Variants in SLC39A10 observed in about 807,000 individuals in gnomAD.
SLC39A10 encodes solute carrier family 39 member 10, also known as zinc transporter ZIP10.
Under a neutral mutation model 65.1 loss-of-function variants are expected in SLC39A10, and 13 were observed. The observed-to-expected ratio is 0.20, with a 90% confidence interval of 0.13 to 0.32. SLC39A10 has a LOEUF of 0.32. Ranked by LOEUF, SLC39A10 falls within the 10% of genes least tolerant of loss-of-function variation. The pLI is 1.00. For synonymous variants in SLC39A10, 321 were observed against 342.2 expected, an observed-to-expected ratio of 0.94 and a Z score of 0.68; for missense variants, 831 against 1,018.4, an observed-to-expected ratio of 0.82 and a Z score of 2.50.
intron 3 of SLC39A10, among the ~76,000 whole-genome samples, chr2:195,701,291 A>G (rs1574288518): frequency 7.8e-6 from 1 of 128,914 alleles, no homozygotes; most frequent in African/African-American, 2.9e-5. Flanking sequence ...TAGTTTTTCT[A>G]CCCCTTTATT....
intron 9 of SLC39A10, among the ~76,000 whole-genome samples, chr2:195,732,094 G>A (rs1199745604): frequency 1.3e-5 from 2 of 152,180 alleles, no homozygotes; most frequent in Admixed American, 6.5e-5. Context: ...AGGAAAAAAT[G>A]GATCCATATT....
chr2:195,683,176 A>G (rs979925808), intron 2 of SLC39A10, among the ~76,000 whole-genome samples: 4 of 140,770 alleles, frequency 2.8e-5, no homozygotes, highest in Admixed American at 1.4e-4. Flanking sequence ...GTTTGTTTTT[A>G]AAGTACCAGT....
intron 1 of SLC39A10, among the ~76,000 whole-genome samples, chr2:195,672,667 G>A (rs1227206826): frequency 2.6e-5 from 4 of 152,124 alleles, no homozygotes; most frequent in Admixed American, 2.6e-4. Flanking sequence ...GACAAATGAC[G>A]TTTTAAAGCT....
At chr2:195,673,438 G>A (rs932220777) in intron 1 of SLC39A10, among the ~76,000 whole-genome samples, 1 of 152,214 alleles carries the variant, frequency 6.6e-6, no homozygotes, top group Non-Finnish European at 1.5e-5. Context: ...AATTGCAGGC[G>A]TGAGCCACAG....
In SLC39A10 at chr2:195,686,844, TG is replaced by T. The variant is rs990668857; in HGVS notation, c.1216+2939del. ...TACTTCCTGTTCTACTGTTTCCTCC[TG>T]AAAAGGTTTTGGAGAGTGCTTTGCT... On this transcript the variant is annotated intron_variant, in intron 3 of 9. Coordinates refer to ENST00000359634, the MANE Select transcript of SLC39A10 (RefSeq NM_020342.3). 1.3e-4 allele frequency among the ~76,000 whole-genome samples: 20 copies of T among 152,198 alleles called. 1 individual carries two copies. The highest frequency in any genetic ancestry group is 6.5e-5 in the Admixed American group (1 of 15,284).
chr2:195,651,966 C>G (rs1375465358), upstream of SLC39A10, among the ~76,000 whole-genome samples: 1 of 152,110 alleles, frequency 6.6e-6, no homozygotes, highest in Non-Finnish European at 1.5e-5. Flanking sequence ...GTCACACAAC[C>G]CCAGGAAATC....
chr2:195,613,625 AT>A (rs1688144273), intron 2 of SLC39A10, among the ~76,000 whole-genome samples: 1 of 152,220 alleles, frequency 6.6e-6, no homozygotes, highest in East Asian at 1.9e-4. Context: ...AGTAGTAATA[AT>A]GCATAGTTTA....
At chr2:195,724,833 C>T (rs750242272) in intron 8 of SLC39A10, among the ~76,000 whole-genome samples, 2 of 151,990 alleles carry the variant, frequency 1.3e-5, no homozygotes, top group South Asian at 2.1e-4. Flanking sequence ...GGGGAAGGAA[C>T]TTGAATAGCC....
chr2:195,718,143 T>C (rs1691888289), intron 7 of SLC39A10, 109 bp from the exon 8 acceptor site: 1 of 781,740 alleles, frequency 1.3e-6, no homozygotes, highest in Non-Finnish European at 2.1e-6. Context: ...GTCACTCATA[T>C]GTTAAGAAAT....
At chr2:195,691,107 G>C (rs959285600) in intron 3 of SLC39A10, among the ~76,000 whole-genome samples, 4 of 152,114 alleles carry the variant, frequency 2.6e-5, no homozygotes, top group African/African-American at 4.8e-5. Flanking sequence ...ACGATGTTTG[G>C]TGTTCAATTC....
chr2:195,625,644 A>G (rs1422817602), intron 2 of SLC39A10, among the ~76,000 whole-genome samples: 1 of 152,146 alleles, frequency 6.6e-6, no homozygotes, highest in African/African-American at 2.4e-5. Flanking sequence ...CCCCACTCTT[A>G]GTCCTTTTAT....
At chr2:195,716,609 T>G in intron 6 of SLC39A10, 28 bp from the exon 7 acceptor site, 1 of 1,545,302 alleles carries the variant, frequency 6.5e-7, no homozygotes, top group Non-Finnish European at 8.7e-7. Flanking sequence ...TAATTATTGA[T>G]AAAGCATATC....
intron 1 of SLC39A10, among the ~76,000 whole-genome samples, chr2:195,671,947 CG>C (rs1160450826): frequency 2.0e-5 from 3 of 151,646 alleles, no homozygotes; most frequent in African/African-American, 2.4e-5. Flanking sequence ...CACTCAGACC[CG>C]GAGCGGTCAT....
In SLC39A10 at chr2:195,618,188, TAAAAATA is replaced by T. The variant is rs1688267426; in HGVS notation, c.-12+11956_-12+11962del. ...CAACATGGTGAAACCGTGTCTCTAC[TAAAAATA>T]CAAAAATTAGCAGGGCATGGTGGCA... On this transcript the variant is annotated intron_variant, in intron 2 of 2. Coordinates refer to the SLC39A10 transcript ENST00000458054. 3.3e-5 allele frequency among the ~76,000 whole-genome samples: 5 copies of T among 151,770 alleles called. No homozygotes were observed. In the South Asian group the frequency reaches 8.3e-4, roughly 25 times the overall value.
At chr2:195,672,653 T>C (rs1250433324) in intron 1 of SLC39A10, among the ~76,000 whole-genome samples, 1 of 152,188 alleles carries the variant, frequency 6.6e-6, no homozygotes, top group Non-Finnish European at 1.5e-5. Context: ...ATTTAAAAAG[T>C]AGAGACAAAT....
At chr2:195,681,314 C>T (rs948562041) in intron 2 of SLC39A10, among the ~76,000 whole-genome samples, 1 of 152,048 alleles carries the variant, frequency 6.6e-6, no homozygotes, top group Non-Finnish European at 1.5e-5. Flanking sequence ...ATCATGAGGT[C>T]GGGAGATTGA....
chr2:195,665,759 A>G (rs187317444), intron 1 of SLC39A10, among the ~76,000 whole-genome samples: 35 of 152,294 alleles, frequency 2.3e-4, no homozygotes, highest in African/African-American at 8.2e-4. Context: ...TTTGCTATTC[A>G]TTACCATGTC....
At chr2:195,705,461 C>G (rs1691365476) in intron 3 of SLC39A10, among the ~76,000 whole-genome samples, 1 of 152,160 alleles carries the variant, frequency 6.6e-6, no homozygotes, top group Non-Finnish European at 1.5e-5. Context: ...ATACAACGCC[C>G]ATTGGATAAA....
intron 8 of SLC39A10, among the ~76,000 whole-genome samples, chr2:195,726,799 GTATTTT>G (rs1692256040): frequency 6.6e-6 from 1 of 152,186 alleles, no homozygotes; most frequent in African/African-American, 2.4e-5. Flanking sequence ...AATAGATCAT[GTATTTT>G]TAGATACGTA....
Sources: gnomAD v4.1 joint callset for allele counts (sites outside exome capture counted in the v4.1 genomes callset) on GRCh38, gnomAD v4.1.1 for gene constraint, MANE v1.5 for transcripts, NCBI Gene and HGNC (gene_info 2026-07-23, HGNC 2026-07-21) for gene names.